Variants in FBXW7 observed in about 807,000 individuals in gnomAD.
FBXW7 encodes F-box/WD repeat-containing protein 7.
A neutral mutation model predicts 86.3 loss-of-function variants in FBXW7; 11 were observed. The observed-to-expected ratio is 0.13, with a 90% confidence interval of 0.08 to 0.21. The LOEUF is 0.21. Among genes scored for constraint, FBXW7 ranks in the 10% least tolerant of loss-of-function variants. The pLI is 1.00. For missense variants in FBXW7, 488 were observed against 847.4 expected, an observed-to-expected ratio of 0.58 and a Z score of 5.27; for synonymous variants, 313 against 297.9, an observed-to-expected ratio of 1.05 and a Z score of -0.52.
intron 2 of FBXW7, among the ~76,000 whole-genome samples, chr4:152,453,594 A>G (rs993500056): frequency 6.6e-6 from 1 of 152,052 alleles, no homozygotes; most frequent in African/African-American, 2.4e-5. Context: ...TTTTTCTAGT[A>G]AACGGTGGCA....
At chr4:152,414,040 C>T (rs1397583555) in intron 2 of FBXW7, among the ~76,000 whole-genome samples, 2 of 152,232 alleles carry the variant, frequency 1.3e-5, no homozygotes, top group East Asian at 3.9e-4. Context: ...AAATACAGTT[C>T]TCACAAGCCT....
chr4:152,485,987 G>A (rs77450465), intron 2 of FBXW7, among the ~76,000 whole-genome samples: 9,929 of 152,192 alleles, frequency 0.065, 437 homozygotes, highest in Non-Finnish European at 0.098. Context: ...AAGCCTACAC[G>A]GTATAGCCCA....
chr4:152,400,147 G>T (rs1296798473), intron 4 of FBXW7, among the ~76,000 whole-genome samples: 2 of 152,172 alleles, frequency 1.3e-5, no homozygotes, highest in Non-Finnish European at 2.9e-5. Context: ...ATATGGTACA[G>T]TGATCTTTGA....
intron 4 of FBXW7, chr4:152,352,508 T>C: frequency 6.2e-7 from 1 of 1,613,936 alleles, no homozygotes; most frequent in Non-Finnish European, 8.5e-7. Flanking sequence ...TAGAAACCCA[T>C]ATTTTCTGTA....
chr4:152,528,221 A>T (rs1310746735), intron 2 of FBXW7, among the ~76,000 whole-genome samples: 1 of 152,212 alleles, frequency 6.6e-6, no homozygotes, highest in Non-Finnish European at 1.5e-5. Flanking sequence ...TCTTTCTTAC[A>T]GCCAGATTTC....
chr4:152,440,870 T>A (rs904742036), intron 2 of FBXW7, among the ~76,000 whole-genome samples: 13 of 152,112 alleles, frequency 8.5e-5, no homozygotes, highest in Middle Eastern at 3.2e-3. Context: ...CTCTACCAAT[T>A]CAGGTTCAAT....
At chr4:152,486,471 C>T (rs1192505725) in intron 2 of FBXW7, among the ~76,000 whole-genome samples, 1 of 152,038 alleles carries the variant, frequency 6.6e-6, no homozygotes, top group African/African-American at 2.4e-5. Flanking sequence ...TTAAAAAATT[C>T]CTGTTTTACT....
In FBXW7 at chr4:152,325,976, A is replaced by C. The variant is rs773991203; in HGVS notation, c.1644+30T>G. On this transcript the variant is annotated intron_variant, in intron 12 of 13. Coordinates refer to ENST00000281708, the MANE Select transcript of FBXW7 (RefSeq NM_001349798.2). ...AAACAACCTTATGATTCATCAGGAGAGCATTTAAGGGAGAGATAAGAGATC... is the reference window on the plus strand; with the variant it reads ...AAACAACCTTATGATTCATCAGGAGCGCATTTAAGGGAGAGATAAGAGATC... The C allele has an allele frequency of 3.2e-6, 5 of 1,560,974 alleles. No homozygotes were observed. The South Asian group carries it at 5.6e-5, about 17-fold the overall frequency.
At chr4:152,394,974 T>C (rs1327389960) in intron 4 of FBXW7, among the ~76,000 whole-genome samples, 1 of 152,090 alleles carries the variant, frequency 6.6e-6, no homozygotes, top group Admixed American at 6.6e-5. Flanking sequence ...GAGGACATGA[T>C]CTACTGAGTC....
chr4:152,500,180 G>C lies in FBXW7; in HGVS notation c.-120+34761C>G, dbSNP rs184575923. On this transcript the variant is annotated intron_variant, in intron 2 of 13. Coordinates refer to ENST00000281708, the MANE Select transcript of FBXW7 (RefSeq NM_001349798.2). ...AGAGAATACTGGAGAGGGAATAGGG[G>C]AGGTAAGTGAATGGTCACAGTGATA... Among the ~76,000 whole-genome samples, 175 of 152,270 alleles carry C rather than the reference G, an allele frequency of 1.1e-3. 2 individuals carry two copies. The highest frequency in any genetic ancestry group is 9.6e-3 in the Admixed American group (147 of 15,300).
chr4:152,453,623 T>C (rs1742115860), intron 2 of FBXW7, among the ~76,000 whole-genome samples: 1 of 151,920 alleles, frequency 6.6e-6, no homozygotes, highest in Non-Finnish European at 1.5e-5. Context: ...GGAGAAAAAA[T>C]ACAAGAGGAA....
intron 2 of FBXW7, among the ~76,000 whole-genome samples, chr4:152,417,493 C>A (rs981083249): frequency 1.3e-5 from 2 of 151,994 alleles, no homozygotes; most frequent in Non-Finnish European, 2.9e-5. Flanking sequence ...ATGAAAAGAG[C>A]CTTTCTGTAG....
chr4:152,421,695 C>A (rs1738953517), intron 2 of FBXW7, among the ~76,000 whole-genome samples: 1 of 152,134 alleles, frequency 6.6e-6, no homozygotes, highest in Admixed American at 6.5e-5. Flanking sequence ...GAGAGACATG[C>A]AACTCTTCTT....
chr4:152,459,193 C>A (rs1742708533), intron 2 of FBXW7, among the ~76,000 whole-genome samples: 1 of 152,168 alleles, frequency 6.6e-6, no homozygotes, highest in Non-Finnish European at 1.5e-5. Flanking sequence ...ACTACCGACA[C>A]CAGCATTCAA....
rs541436414 is a variant in FBXW7, at chr4:152,390,261, T to C, written c.501+21042A>G. On this transcript the variant is annotated intron_variant, in intron 4 of 13. Transcript: ENST00000281708. ...GTTGTTAAAATACTTTTCCTCATCC[T>C]TTCATTAAGCATTTTAAAAAGTACT... Among the ~76,000 whole-genome samples the C allele has an allele frequency of 2.8e-4, 43 of 152,194 alleles. No individual in the cohort carries two copies. In the East Asian group the frequency reaches 7.3e-3, roughly 26 times the overall value.
In FBXW7 at chr4:152,347,073, T is replaced by TAAAA; in HGVS notation, c.585-3_585-2insTTTT. On this transcript the variant is annotated splice_polypyrimidine_tract_variant and splice_region_variant and intron_variant, in intron 5 of 13. Coordinates refer to ENST00000281708, the MANE Select transcript of FBXW7 (RefSeq NM_001349798.2). ...GAACATGGTACAAGCCCAGTGGTAC[T>TAAAA]ACAAAAAAAAAAAAAAGAGAGAGAG... 7.3e-7 allele frequency: 1 copy of TAAAA among 1,377,904 alleles called. No homozygotes were observed. 85.4% of individuals were successfully genotyped at this position (1,377,904 alleles called of 1,614,324 possible). A position where few individuals can be genotyped will look rare whatever the true frequency, so the allele number is the denominator to read the frequency against.
intron 2 of FBXW7, among the ~76,000 whole-genome samples, chr4:152,510,597 G>A (rs1361119583): frequency 1.3e-5 from 2 of 152,080 alleles, no homozygotes; most frequent in African/African-American, 2.4e-5. Context: ...GCCTAATACG[G>A]GGCAAGAGGA....
intron 13 of FBXW7, chr4:152,323,728 T>G: frequency 5.9e-6 from 1 of 170,100 alleles, no homozygotes; most frequent in South Asian, 1.4e-4. Flanking sequence ...TCTACTTTAG[T>G]AGGCACTATT....
At chr4:152,331,509 GA>G (rs1297440813) in intron 8 of FBXW7, among the ~76,000 whole-genome samples, 1 of 151,984 alleles carries the variant, frequency 6.6e-6, no homozygotes, top group Non-Finnish European at 1.5e-5. Context: ...GAGGTACCTA[GA>G]GTAGTCAAAC....
Sources: gnomAD v4.1 joint callset for allele counts (sites outside exome capture counted in the v4.1 genomes callset) on GRCh38, gnomAD v4.1.1 for gene constraint, MANE v1.5 for transcripts, NCBI Gene and HGNC (gene_info 2026-07-23, HGNC 2026-07-21) for gene names.